NEB: variants seen among roughly 807,000 people sequenced by gnomAD.
The protein encoded by NEB is nemaline myopathy type 2.
In NEB, 512 loss-of-function variants were observed where a neutral mutation model predicts 952.2. That is an observed-to-expected ratio of 0.54 (90% confidence interval 0.50 to 0.58). The LOEUF (loss-of-function observed/expected upper bound fraction) is 0.58, where lower values mean the gene tolerates loss of function less well. NEB is among the 20% of genes least tolerant of loss of function. The pLI is 0.00. For missense variants in NEB, 8,428 were observed against 9,231.1 expected (o/e 0.91, Z 3.56); for synonymous variants, 2,900 against 3,149.8 (o/e 0.92, Z 2.66).
intron 167 of NEB, among the ~76,000 whole-genome samples, chr2:151,502,256 A>C (rs544910782): frequency 5.3e-5 from 8 of 152,282 alleles, no homozygotes; most frequent in African/African-American, 1.9e-4. Context: ...AAAACACTAC[A>C]AATATGGTGC....
At chr2:151,543,832 C>T (rs1295224774) in intron 135 of NEB, among the ~76,000 whole-genome samples, 2 of 152,152 alleles carry the variant, frequency 1.3e-5, no homozygotes, top group African/African-American at 2.4e-5. Context: ...TATTATATTT[C>T]CCCTGTACTT....
intron 153 of NEB, among the ~76,000 whole-genome samples, chr2:151,520,438 G>A (rs1559490865): frequency 6.6e-6 from 1 of 152,044 alleles, no homozygotes; most frequent in Non-Finnish European, 1.5e-5. Context: ...ATAAAAATAA[G>A]TTTAGGTAGG....
chr2:151,518,367 T>C lies in NEB; in HGVS notation c.22751A>G (p.Asp7584Gly). 1 of 1,612,672 alleles carries C rather than the reference T, an allele frequency of 6.2e-7. No individual in the cohort carries two copies. Among genetic ancestry groups the C allele is most frequent in the Non-Finnish European group, 8.5e-7 (1 of 1,178,726 alleles). Residue 7584 changes from aspartate (D) to glycine (G), a missense_variant, in exon 156 of 182, where the codon GAT (aspartate) becomes GGT (glycine). Transcript: ENST00000397345. ...TTTTAGGTGAAGCTGCTCCAGATTA[T>C]CGGGTATGGTGTGGTAGTGGCCTTT... ...KSKGHYHTIP[D>G]NLEQLHLKEA...
intron 153 of NEB, 50 bp from the exon 154 acceptor site, chr2:151,519,818 G>A (rs1381575187): frequency 1.7e-6 from 2 of 1,198,134 alleles, no homozygotes; most frequent in Admixed American, 3.4e-5. Context: ...CAATCAATTT[G>A]GGAATTGGGG....
At position 151,609,778 on chromosome 2, in the gene NEB, T is replaced by G. The variant is rs1667124882; in HGVS notation, c.12330+31A>C. On this transcript the variant is annotated intron_variant, in intron 81 of 181. Coordinates refer to ENST00000397345, the MANE Select transcript of NEB (RefSeq NM_001164508.2). The stretch of plus-strand genomic sequence containing the variant: ...CAATGAACAAATCTACATCTTCCCC[T>G]TCCCCCTTTCCCAAAATTCATGTTA... The G allele has an allele frequency of 7.1e-6, 11 of 1,542,860 alleles. 1 individual carries two copies. In the East Asian group the frequency reaches 2.5e-4, roughly 35 times the overall value.
intron 162 of NEB, 171 bp from the exon 163 acceptor site, chr2:151,507,184 G>T: frequency 1.8e-6 from 1 of 549,050 alleles, no homozygotes; most frequent in Non-Finnish European, 3.2e-6. Context: ...ATTTTGTGGA[G>T]AAACTAATTT....
At chr2:151,547,136 G>A (rs1250670450) in intron 133 of NEB, among the ~76,000 whole-genome samples, 1 of 152,122 alleles carries the variant, frequency 6.6e-6, no homozygotes, top group Non-Finnish European at 1.5e-5. Flanking sequence ...GGCCACACAG[G>A]GAGTTAGGGA....
At chr2:151,493,481 G>T in intron 175 of NEB, 36 bp from the exon 176 acceptor site, 1 of 1,395,722 alleles carries the variant, frequency 7.2e-7, no homozygotes, top group Non-Finnish European at 9.8e-7. Flanking sequence ...GCATCAGACA[G>T]CAGAAAACCA....
chr2:151,696,512 T>A (rs1430993440), intron 17 of NEB, 125 bp downstream of exon 17: 12 of 677,144 alleles, frequency 1.8e-5, no homozygotes, highest in African/African-American at 3.6e-5. Flanking sequence ...AAATGTATAC[T>A]GTTTAAACTT....
At chr2:151,500,850 C>T (rs1311461149) in intron 168 of NEB, among the ~76,000 whole-genome samples, 1 of 152,062 alleles carries the variant, frequency 6.6e-6, no homozygotes, top group Non-Finnish European at 1.5e-5. Flanking sequence ...CTGCCTGCCT[C>T]GACCTCCCAA....
At chr2:151,640,243 G>T in intron 61 of NEB, 112 bp downstream of exon 61, 1 of 1,495,172 alleles carries the variant, frequency 6.7e-7, no homozygotes, top group Non-Finnish European at 9.1e-7. Flanking sequence ...TAAAGGCAAT[G>T]CTATTTGCCT....
chr2:151,636,175 G>A (rs1265174082), intron 64 of NEB, 52 bp downstream of exon 64: 32 of 1,448,782 alleles, frequency 2.2e-5, no homozygotes, highest in Non-Finnish European at 2.6e-5. Context: ...TTAGTTCAGT[G>A]AAAATGCCAC....
rs2099542243 is a variant in NEB, at chr2:151,690,722, C to T, written c.2310+5G>A. ...ACCCACGCTTGCATAAATCAAAGCACTTACATCACTAAGCTGTTTCGTGTT... is the reference window on the plus strand; with the variant it reads ...ACCCACGCTTGCATAAATCAAAGCATTTACATCACTAAGCTGTTTCGTGTT... On this transcript the variant is annotated splice_donor_5th_base_variant and intron_variant, in intron 24 of 181. Transcript: ENST00000397345. 1.9e-6 allele frequency: 3 copies of T among 1,576,286 alleles called. No homozygotes were observed. The highest frequency in any genetic ancestry group is 1.7e-6 in the Non-Finnish European group (2 of 1,158,528).
chr2:151,694,610 C>A lies in NEB; in HGVS notation c.1694G>T (p.Trp565Leu). 1 of 1,590,962 alleles carries A rather than the reference C, an allele frequency of 6.3e-7. No homozygotes were observed. ...NLSDNLYKQD[W>L]EKSKAKKFDI... ...AAACTTTTTGGCTTTGCTCTTCTCC[C>A]AGTCTTGCTTATAAAGATTCTGGAC... The change falls in exon 19 of 182, where the codon TGG (tryptophan) becomes TTG (leucine). Residue 565 changes from tryptophan to leucine, a missense_variant. Coordinates refer to ENST00000397345, the MANE Select transcript of NEB (RefSeq NM_001164508.2).
chr2:151,714,351 T>C (rs1471100208), intron 10 of NEB, among the ~76,000 whole-genome samples: 1 of 152,226 alleles, frequency 6.6e-6, no homozygotes, highest in Non-Finnish European at 1.5e-5. Context: ...CAGACTATTG[T>C]ATGTTCTTCA....
At chr2:151,562,902 T>C in intron 119 of NEB, 94 bp from the exon 120 acceptor site, 2 of 745,184 alleles carry the variant, frequency 2.7e-6, no homozygotes, top group Non-Finnish European at 4.3e-6. Flanking sequence ...TATAGATCAG[T>C]ATCTCTAGAA....
chr2:151,687,321 G>A (rs575227042), intron 27 of NEB, 98 bp downstream of exon 27: 2 of 997,084 alleles, frequency 2.0e-6, no homozygotes, highest in African/African-American at 1.6e-5. Context: ...TGATGTGAAA[G>A]AGCCCATGCT....
At chr2:151,500,782 A>G (rs1176547832) in intron 168 of NEB, among the ~76,000 whole-genome samples, 3 of 151,926 alleles carry the variant, frequency 2.0e-5, no homozygotes, top group Non-Finnish European at 4.4e-5. Context: ...TATTTTTAGC[A>G]GAGATGGAAT....
intron 42 of NEB, 56 bp downstream of exon 42, chr2:151,665,277 C>T (rs1157420921): frequency 6.5e-7 from 1 of 1,531,418 alleles, no homozygotes; most frequent in Admixed American, 1.7e-5. Flanking sequence ...CTGCCAGGCT[C>T]AATGTCATGA....
Sources: allele counts gnomAD v4.1 joint callset (sites outside exome capture counted in the v4.1 genomes callset), GRCh38; gene constraint gnomAD v4.1.1; transcripts MANE v1.5; gene names NCBI Gene and HGNC (gene_info 2026-07-23, HGNC 2026-07-21).